The following GRIN2B variants were observed in gnomAD, a reference collection of about 807,000 sequenced individuals.
GRIN2B encodes glutamate receptor ionotropic, NMDA 2B.
In GRIN2B, 5 loss-of-function variants were observed where a neutral mutation model predicts 114.5. The observed-to-expected ratio is 0.04, with a 90% CI of 0.02 to 0.09. The LOEUF (loss-of-function observed/expected upper bound fraction) is 0.09. Ranked by LOEUF, GRIN2B falls within the 10% of genes least tolerant of loss-of-function variation. The pLI, the probability that GRIN2B is intolerant of heterozygous loss-of-function variation, is 1.00. For synonymous variants in GRIN2B, 787 were observed against 745.1 expected, an observed-to-expected ratio of 1.06 and a Z score of -0.92; for missense variants, 1,108 against 1,943.5, an observed-to-expected ratio of 0.57 and a Z score of 8.08.
chr12:13,778,211 T>A (rs1245930819), intron 3 of GRIN2B, among the ~76,000 whole-genome samples: 1 of 152,240 alleles, frequency 6.6e-6, no homozygotes, highest in East Asian at 1.9e-4. Context: ...ATCTTATTCA[T>A]GTAATTCTCT....
chr12:13,862,204 CAT>C (rs1865763410), intron 3 of GRIN2B, among the ~76,000 whole-genome samples: 1 of 152,102 alleles, frequency 6.6e-6, no homozygotes, highest in African/African-American at 2.4e-5. Flanking sequence ...GATTAATTAG[CAT>C]ATGCAAAAAA....
At chr12:13,884,570 T>C (rs1195183283) in intron 2 of GRIN2B, among the ~76,000 whole-genome samples, 1 of 151,894 alleles carries the variant, frequency 6.6e-6, no homozygotes, top group Non-Finnish European at 1.5e-5. Flanking sequence ...GTAATGATAA[T>C]TTTTTTTCTC....
intron 3 of GRIN2B, among the ~76,000 whole-genome samples, chr12:13,765,620 T>C (rs1285409877): frequency 6.6e-6 from 1 of 152,246 alleles, no homozygotes; most frequent in East Asian, 1.9e-4. Context: ...AATCTCCCTT[T>C]CTAATTCATT....
At chr12:13,876,699 C>T (rs1865995600) in intron 2 of GRIN2B, among the ~76,000 whole-genome samples, 1 of 152,156 alleles carries the variant, frequency 6.6e-6, no homozygotes, top group Non-Finnish European at 1.5e-5. Flanking sequence ...TCTTCAATCA[C>T]AAAGAGTACT....
intron 2 of GRIN2B, among the ~76,000 whole-genome samples, chr12:13,866,855 C>T (rs533819339): frequency 4.6e-5 from 7 of 152,274 alleles, no homozygotes; most frequent in African/African-American, 1.4e-4. Context: ...TCAATTGATC[C>T]TTACAATGAC....
chr12:13,693,201 T>C (rs1056428018), intron 4 of GRIN2B, among the ~76,000 whole-genome samples: 1 of 152,194 alleles, frequency 6.6e-6, no homozygotes, highest in Admixed American at 6.5e-5. Flanking sequence ...TAAGTCTTTA[T>C]ACCAATTAGC....
At chr12:13,617,549 T>C (rs1204343859) in intron 5 of GRIN2B, among the ~76,000 whole-genome samples, 2 of 152,224 alleles carry the variant, frequency 1.3e-5, no homozygotes, top group African/African-American at 2.4e-5. Flanking sequence ...GGAATCAACA[T>C]GGCTTTGTTG....
chr12:13,945,926 A>G (rs1047728757), intron 2 of GRIN2B, among the ~76,000 whole-genome samples: 1 of 152,200 alleles, frequency 6.6e-6, no homozygotes, highest in South Asian at 2.1e-4. Context: ...TCATATTATA[A>G]CAACAGTGCA....
At chr12:13,785,474 C>T (rs1864207940) in intron 3 of GRIN2B, among the ~76,000 whole-genome samples, 1 of 152,166 alleles carries the variant, frequency 6.6e-6, no homozygotes, top group Non-Finnish European at 1.5e-5. Context: ...TGCCTTATGT[C>T]CCAGCCACCC....
At chr12:13,904,749 T>C (rs954051967) in intron 2 of GRIN2B, among the ~76,000 whole-genome samples, 1 of 152,152 alleles carries the variant, frequency 6.6e-6, no homozygotes, top group African/African-American at 2.4e-5. Flanking sequence ...AGTTATTTTC[T>C]TTTGACACAT....
chr12:13,902,128 A>C (rs749137537), intron 2 of GRIN2B, among the ~76,000 whole-genome samples: 15 of 152,148 alleles, frequency 9.9e-5, no homozygotes, highest in Non-Finnish European at 1.8e-4. Flanking sequence ...TTATTTTTTA[A>C]TTGGAGCAAT....
intron 2 of GRIN2B, among the ~76,000 whole-genome samples, chr12:13,918,199 G>C (rs1866764663): frequency 6.6e-6 from 1 of 152,128 alleles, no homozygotes; most frequent in African/African-American, 2.4e-5. Flanking sequence ...CTGTAAAATG[G>C]GAATAGTAAT....
intron 10 of GRIN2B, among the ~76,000 whole-genome samples, chr12:13,605,520 G>GTCTCTCTCTCTCTCTCTATCTCTC (rs1949229866): frequency 8.7e-6 from 1 of 114,952 alleles, no homozygotes; most frequent in Non-Finnish European, 1.8e-5. Context: ...GGTCTTGAAA[G>GTCTCTCTCTCTCTCTCTATCTCTC]TCTCTCTCTC....
At position 13,546,677 on chromosome 12, in the gene GRIN2B, G is replaced by A. The variant is rs1948347536; in HGVS notation, c.*16106C>T. 1.3e-5 allele frequency: 2 copies of A among 152,032 alleles called. No individual in the cohort carries two copies. The highest frequency in any genetic ancestry group is 2.4e-5 in the African/African-American group (1 of 41,366). The allele number at this position is 152,032 out of a possible 1,614,324, so 9.4% of individuals were successfully genotyped here. ...CAATATTAATGGTTAAAAATAACAT[G>A]CAACAACTCACTGGGCGAGAAATTT... On this transcript the variant is annotated 3_prime_UTR_variant, in exon 14 of 14. Coordinates refer to ENST00000609686, the MANE Select transcript of GRIN2B (RefSeq NM_000834.5).
intron 2 of GRIN2B, among the ~76,000 whole-genome samples, chr12:13,965,208 A>G (rs982356566): frequency 2.0e-5 from 3 of 152,220 alleles, no homozygotes; most frequent in African/African-American, 7.2e-5. Context: ...TTTGTTCTTT[A>G]AAAAGTCATT....
intron 10 of GRIN2B, among the ~76,000 whole-genome samples, chr12:13,582,614 C>T (rs1488282624): frequency 6.6e-6 from 1 of 152,170 alleles, no homozygotes; most frequent in Non-Finnish European, 1.5e-5. Context: ...GGCCTTTCTC[C>T]TGCCTCTGGC....
rs1948521229 is a variant in GRIN2B at position 13,559,921 on chromosome 12, G to A, written c.*2862C>T. ...AAACCTTTCAGTCACGCCAAGAATG[G>A]GAAGTTAATTTGACCTTAATTCTGT... On this transcript the variant is annotated 3_prime_UTR_variant, in exon 14 of 14. Coordinates refer to ENST00000609686, the MANE Select transcript of GRIN2B (RefSeq NM_000834.5). 1 of 152,168 alleles carries A rather than the reference G, an allele frequency of 6.6e-6. No individual in the cohort carries two copies. Among genetic ancestry groups the A allele is most frequent in the Admixed American group, 6.5e-5 (1 of 15,282 alleles). The allele number at this position is 152,168 out of a possible 1,614,324, so 9.4% of individuals were successfully genotyped here.
intron 2 of GRIN2B, among the ~76,000 whole-genome samples, chr12:13,879,566 G>A (rs1866039876): frequency 6.6e-6 from 1 of 151,704 alleles, no homozygotes; most frequent in Non-Finnish European, 1.5e-5. Context: ...TCCTGTAACA[G>A]TAATAATATA....
chr12:13,947,505 A>G (rs1447079014), intron 2 of GRIN2B, among the ~76,000 whole-genome samples: 3 of 152,192 alleles, frequency 2.0e-5, no homozygotes, highest in Admixed American at 1.3e-4. Flanking sequence ...AATGTGGCCC[A>G]TAAAGGGAAA....
Sources: allele counts gnomAD v4.1 joint callset (sites outside exome capture counted in the v4.1 genomes callset), GRCh38; gene constraint gnomAD v4.1.1; transcripts MANE v1.5; gene names NCBI Gene and HGNC (gene_info 2026-07-23, HGNC 2026-07-21).